Variants in RBP3 observed in about 807,000 individuals in gnomAD.
The protein encoded by RBP3 is retinol-binding protein 3.
A neutral mutation model predicts 64.8 loss-of-function variants in RBP3; 50 were observed. The ratio of observed to expected loss-of-function variants is 0.77; its 90% CI spans 0.61 to 0.98. The LOEUF is 0.98. Among genes scored for constraint, RBP3 ranks in the 50% least tolerant of loss-of-function variants. The probability of loss-of-function intolerance (pLI) is 0.00; values close to 1 mark genes in which losing one functional copy is unlikely to be tolerated. For missense variants in RBP3, 1,712 were observed against 1,660.5 expected (o/e 1.03, Z -0.54); for synonymous variants, 828 against 730.2 (o/e 1.13, Z -2.16).
chr10:47,349,070 G>C lies in RBP3; in HGVS notation c.586G>C (p.Val196Leu). 6.2e-7 allele frequency: 1 copy of C among 1,614,000 alleles called. No individual in the cohort carries two copies. Among genetic ancestry groups the C allele is most frequent in the Non-Finnish European group, 8.5e-7 (1 of 1,180,024 alleles). Residue 196 changes from valine to leucine, a missense_variant, in exon 1 of 4, where the codon GTG (valine) becomes CTG (leucine). Physicochemically the swap from Val to Leu is conservative, Grantham distance 32 (BLOSUM62 1). Transcript: ENST00000584701. ...YLHPGNTILH[V>L]DTIYNRPSNT... The stretch of plus-strand genomic sequence containing the variant: ...GCACCCAGGGAACACCATCCTGCAC[G>C]TGGACACTATCTACAACCGCCCCTC...
intron 1 of RBP3, among the ~76,000 whole-genome samples, chr10:47,353,008 T>C (rs782466614): frequency 6.6e-6 from 1 of 152,108 alleles, no homozygotes; most frequent in Non-Finnish European, 1.5e-5. Flanking sequence ...GTGGAGCAGC[T>C]TAGAGACATA....
chr10:47,351,300 C>T lies in RBP3; in HGVS notation c.2816C>T (p.Thr939Met), dbSNP rs201711001. 5.6e-6 allele frequency: 9 copies of T among 1,613,478 alleles called. No individual in the cohort carries two copies. In the African/African-American group the frequency reaches 6.7e-5, roughly 12 times the overall value. The change falls in exon 1 of 4, where the codon ACG (threonine) becomes ATG (methionine). Residue 939 changes from threonine to methionine, a missense_variant. Thr to Met is a moderately conservative substitution (Grantham distance 81). Transcript: ENST00000584701. ...GTGGCTCTGCGTGCCAAGGTGCCCA[C>T]GGTGCTGCAGACGGCCGGGAAGCTG... ...DIVALRAKVP[T>M]VLQTAGKLVA...
chr10:47,356,696 T>G (rs1286816264), intron 3 of RBP3, among the ~76,000 whole-genome samples: 1 of 152,236 alleles, frequency 6.6e-6, no homozygotes, highest in Non-Finnish European at 1.5e-5. Flanking sequence ...TGCATTCCTG[T>G]TGGACAGTGC....
At chr10:47,354,718 T>A (rs1436554928) in intron 2 of RBP3, among the ~76,000 whole-genome samples, 1 of 152,192 alleles carries the variant, frequency 6.6e-6, no homozygotes, top group Non-Finnish European at 1.5e-5. Context: ...GTTCAGACAC[T>A]GACATCACAG....
Position 47,349,392 on chromosome 10 carries a change from C to A in RBP3, c.908C>A (p.Pro303His). The A allele has an allele frequency of 1.2e-6, 2 of 1,612,028 alleles. No individual in the cohort carries two copies. Among genetic ancestry groups the A allele is most frequent in the Non-Finnish European group, 1.7e-6 (2 of 1,179,970 alleles). Residue 303 changes from proline (P) to histidine (H), a missense_variant, in exon 1 of 4, where the codon CCC becomes CAC. Transcript: ENST00000584701. ...SQTWEGSGVL[P>H]CVGTPAEQAL... is the part of the protein sequence containing the mutation. ...ACGTGGGAGGGCAGCGGGGTGCTGC[C>A]CTGTGTGGGGACTCCGGCCGAGCAG...
At position 47,351,480 on chromosome 10, in the gene RBP3, A is replaced by G; in HGVS notation, c.2996A>G (p.Lys999Arg). 1.9e-6 allele frequency: 3 copies of G among 1,613,866 alleles called. No individual in the cohort carries two copies. The highest frequency in any genetic ancestry group is 2.5e-6 in the Non-Finnish European group (3 of 1,180,038). Residue 999 changes from lysine (K) to arginine (R), a missense_variant, in exon 1 of 4, where the codon AAG (lysine) becomes AGG (arginine). Transcript: ENST00000584701. ...LQMLSGDPHL[K>R]AAHIPENAKD... ...ATGCTCTCCGGAGACCCACACCTGA[A>G]GGCAGCCCATATCCCTGAGAATGCC...
At position 47,349,698 on chromosome 10, in the gene RBP3, C is replaced by G; in HGVS notation, c.1214C>G (p.Ala405Gly). The G allele has an allele frequency of 6.2e-7, 1 of 1,611,592 alleles. No homozygotes were observed. The highest frequency in any genetic ancestry group is 8.5e-7 in the Non-Finnish European group (1 of 1,180,018). Residue 405 changes from alanine (A) to glycine (G), a missense_variant, in exon 1 of 4, where the codon GCC becomes GGC. Ala to Gly is a moderately conservative substitution (Grantham distance 60). Transcript: ENST00000584701. Reference sequence around the variant, plus strand: ...TCTTGGCCCGCGCCCGACGCTGCAGCCGAAGACTCACCAGGGGTGGCCCCA... The same window carrying G: ...TCTTGGCCCGCGCCCGACGCTGCAGGCGAAGACTCACCAGGGGTGGCCCCA... ...TPSWPAPDAA[A>G]EDSPGVAPEL...
Position 47,349,715 on chromosome 10 carries a change from G to T in RBP3, c.1231G>T (p.Val411Leu). ...CGCTGCAGCCGAAGACTCACCAGGG[G>T]TGGCCCCAGAGTTGCCTGAGGACGA... The part of the protein sequence containing the change: ...PDAAAEDSPG[V>L]APELPEDEAI... The change falls in exon 1 of 4, where the codon GTG becomes TTG. Residue 411 changes from valine to leucine, a missense_variant. Val to Leu is a conservative substitution (Grantham distance 32). Transcript: ENST00000584701. 6.2e-7 allele frequency: 1 copy of T among 1,612,088 alleles called. No homozygotes were observed. The highest frequency in any genetic ancestry group is 8.5e-7 in the Non-Finnish European group (1 of 1,180,014).
At chr10:47,355,308 C>T (rs1837030498) in intron 2 of RBP3, 68 bp from the exon 3 acceptor site, 3 of 1,605,500 alleles carry the variant, frequency 1.9e-6, no homozygotes, top group Non-Finnish European at 8.5e-7. Flanking sequence ...ATCCTGGCCT[C>T]CCCGAGGGGC....
Position 47,349,510 on chromosome 10 carries a change from G to C in RBP3, c.1026G>C (p.Thr342=). The change falls in exon 1 of 4, where the codon ACG becomes ACC. Residue 342 remains threonine (T), a synonymous_variant. Coordinates refer to ENST00000584701, the MANE Select transcript of RBP3 (RefSeq NM_002900.3). Reference sequence around the variant, plus strand: ...AGGAGGTCCTGAAGGACTACTACACGCTGGTGGACCGTGTGCCCACCCTGC... The same window carrying C: ...AGGAGGTCCTGAAGGACTACTACACCCTGGTGGACCGTGTGCCCACCCTGC... ...CLQEVLKDYY[T]LVDRVPTLLQ... The C allele has an allele frequency of 1.2e-6, 2 of 1,613,020 alleles. No homozygotes were observed. Among genetic ancestry groups the C allele is most frequent in the Non-Finnish European group, 1.7e-6 (2 of 1,180,018 alleles).
chr10:47,349,994 G>T lies in RBP3; in HGVS notation c.1510G>T (p.Val504Leu). The T allele has an allele frequency of 1.9e-6, 3 of 1,612,928 alleles. No homozygotes were observed. Among genetic ancestry groups the T allele is most frequent in the South Asian group, 2.2e-5 (2 of 91,048 alleles). The change falls in exon 1 of 4, where the codon GTG becomes TTG. Residue 504 changes from valine to leucine, a missense_variant. Val to Leu is a conservative substitution (Grantham distance 32). Transcript: ENST00000584701. ...CTTCCAGGGCCCTGAGGCCGGCCCC[G>T]TGCACCTCTTCACCACCTATGATCG... Reference protein sequence around the residue: ...SYFQGPEAGPVHLFTTYDRRT... With the variant: ...SYFQGPEAGPLHLFTTYDRRT...
rs1555211492 is a variant in RBP3 at position 47,351,026 on chromosome 10, A to G, written c.2542A>G (p.Ser848Gly). ...CCTCTACATCCTGATGAGCCACACCAGTGGCTCTGCGGCCGAGGCCTTTGC... is the reference window on the plus strand; with the variant it reads ...CCTCTACATCCTGATGAGCCACACCGGTGGCTCTGCGGCCGAGGCCTTTGC... ...KDLYILMSHT[S>G]GSAAEAFAHT... is the part of the protein sequence containing the mutation. The change falls in exon 1 of 4, where the codon AGT becomes GGT. Residue 848 changes from serine (S) to glycine (G), a missense_variant. By Grantham distance (56) the Ser-to-Gly change is moderately conservative. Transcript: ENST00000584701. The G allele has an allele frequency of 3.1e-6, 5 of 1,610,860 alleles. No individual in the cohort carries two copies. In the South Asian group the frequency reaches 5.5e-5, roughly 18 times the overall value.
chr10:47,356,881 T>C (rs1555212017), intron 3 of RBP3, among the ~76,000 whole-genome samples: 1 of 152,192 alleles, frequency 6.6e-6, no homozygotes, highest in Non-Finnish European at 1.5e-5. Context: ...TTGGGAGTTG[T>C]CAAGCACTGA....
Position 47,350,900 on chromosome 10 carries a change from C to T in RBP3, c.2416C>T (p.Arg806Cys), listed in dbSNP as rs35238500. 1,353 of 1,612,954 alleles carry T rather than the reference C, an allele frequency of 8.4e-4. 8 individuals carry two copies. The African/African-American group carries it at 0.015, about 18-fold the overall frequency. The change falls in exon 1 of 4, where the codon CGC becomes TGC. Residue 806 changes from arginine to cysteine, a missense_variant. Arg to Cys is a radical substitution (Grantham distance 180, BLOSUM62 -3). Transcript: ENST00000584701. The stretch of plus-strand genomic sequence containing the variant: ...CTCCTACTTCTTTGAGGCAGAGCCC[C>T]GCCAGCACCTGTATTCTGTCTTTGA... ...LCSYFFEAEPRQHLYSVFDRA... is the reference protein window; with the variant it reads ...LCSYFFEAEPCQHLYSVFDRA...
In RBP3 at chr10:47,351,669, G is replaced by A. The variant is rs140168027; in HGVS notation, c.3054+131G>A. 14 of 1,177,998 alleles carry A rather than the reference G, an allele frequency of 1.2e-5. No homozygotes were observed. The East Asian group carries it at 1.4e-4, about 12-fold the overall frequency. 73.0% of individuals were successfully genotyped at this position (1,177,998 alleles called of 1,614,324 possible). On this transcript the variant is annotated intron_variant, in intron 1 of 3. Transcript: ENST00000584701. ...TTGTTCTCACGTTTAAGTTTTGACCGGTCAAGTCCTTTCCTCTTTCTCAAC... is the reference window on the plus strand; with the variant it reads ...TTGTTCTCACGTTTAAGTTTTGACCAGTCAAGTCCTTTCCTCTTTCTCAAC...
chr10:47,350,158 G>A lies in RBP3; in HGVS notation c.1674G>A (p.Ser558=), dbSNP rs372137106. 18 of 1,612,344 alleles carry A rather than the reference G, an allele frequency of 1.1e-5. No homozygotes were observed. Among genetic ancestry groups the A allele is most frequent in the South Asian group, 2.2e-5 (2 of 91,090 alleles). Residue 558 remains serine, a synonymous_variant, in exon 1 of 4, where the codon TCG becomes TCA. Coordinates refer to ENST00000584701, the MANE Select transcript of RBP3 (RefSeq NM_002900.3). ...AGGAGTTCGCCTTCCTTATGCAGTC[G>A]CTGGGCTGGGCCACACTGGTAGGTG... is the stretch of plus-strand genomic sequence containing the variant. The part of the protein sequence containing the change: ...AAEEFAFLMQ[S]LGWATLVGEI...
In RBP3 at chr10:47,357,467, C is replaced by G; in HGVS notation, c.*10C>G. On this transcript the variant is annotated 3_prime_UTR_variant, in exon 4 of 4. Transcript: ENST00000584701. ...GCAGGACCACCTGTAGGGAAGGGCC[C>G]CATAGGCAGAGCCCCAGGGCAGACA... 6.3e-7 allele frequency: 1 copy of G among 1,599,346 alleles called. No individual in the cohort carries two copies.
chr10:47,349,368 C>T lies in RBP3; in HGVS notation c.884C>T (p.Thr295Met), dbSNP rs782631087. 94 of 1,612,070 alleles carry T rather than the reference C, an allele frequency of 5.8e-5. No individual in the cohort carries two copies. Among genetic ancestry groups the T allele is most frequent in the South Asian group, 4.9e-4 (45 of 91,076 alleles). ...GGGCCCCTTGGTGGAGGCAGCCAGA[C>T]GTGGGAGGGCAGCGGGGTGCTGCCC... ...SLGPLGGGSQTWEGSGVLPCV... is the reference protein window; with the variant it reads ...SLGPLGGGSQMWEGSGVLPCV... Residue 295 changes from threonine (T) to methionine (M), a missense_variant, in exon 1 of 4, where the codon ACG (threonine) becomes ATG (methionine). By Grantham distance (81) the Thr-to-Met change is moderately conservative. Transcript: ENST00000584701.
At position 47,350,332 on chromosome 10, in the gene RBP3, C is replaced by T. The variant is rs782370605; in HGVS notation, c.1848C>T (p.Ile616=). ...GTGGTGGAGTGGTGCCCGATGCCATCGTGCTGGCCGAGGAGGCCCTGGACA... is the reference window on the plus strand; with the variant it reads ...GTGGTGGAGTGGTGCCCGATGCCATTGTGCTGGCCGAGGAGGCCCTGGACA... ...WLGGGVVPDA[I]VLAEEALDKA... is the part of the protein sequence containing the mutation. The change falls in exon 1 of 4, where the codon ATC becomes ATT. Residue 616 remains isoleucine (I), a synonymous_variant. Coordinates refer to ENST00000584701, the MANE Select transcript of RBP3 (RefSeq NM_002900.3). The T allele has an allele frequency of 3.7e-6, 6 of 1,611,414 alleles. No individual in the cohort carries two copies. Among genetic ancestry groups the T allele is most frequent in the South Asian group, 2.2e-5 (2 of 91,088 alleles).
Sources: allele counts gnomAD v4.1 joint callset (sites outside exome capture counted in the v4.1 genomes callset), GRCh38; gene constraint gnomAD v4.1.1; transcripts MANE v1.5; gene names NCBI Gene and HGNC (gene_info 2026-07-23, HGNC 2026-07-21).